MYH16: variants seen among roughly 807,000 people sequenced by gnomAD.
The protein encoded by MYH16 is putative uncharacterized protein MYH16.
chr7:99,246,347 G>A (rs970745958), intron 2 of MYH16, among the ~76,000 whole-genome samples: 1 of 152,102 alleles, frequency 6.6e-6, no homozygotes, highest in Admixed American at 6.6e-5. Flanking sequence ...AATCACCCCA[G>A]AAATTCTCAA....
chr7:99,254,255 A>AG (rs1235480089), intron 8 of MYH16: 3 of 152,200 alleles, frequency 2.0e-5, no homozygotes, highest in African/African-American at 7.2e-5. Context: ...TCTGAAGAAA[A>AG]AAAAAGAAAA....
intron 18 of MYH16, among the ~76,000 whole-genome samples, chr7:99,268,436 C>T (rs1195289561): frequency 6.6e-6 from 1 of 152,210 alleles, no homozygotes; most frequent in Non-Finnish European, 1.5e-5. Context: ...CAGTGGCGGT[C>T]GTGTGGCCGG....
At position 99,276,451 on chromosome 7, in the gene MYH16, A is replaced by T. The variant is rs554065317; in HGVS notation, n.2486-1088A>T. On this transcript the variant is annotated intron_variant and non_coding_transcript_variant, in intron 20 of 41. Transcript: ENST00000439784. ...TAGGTGCTTTAGGAACCCCAAAGGG[A>T]TGGGAGGGAGGTCTTTGAGGGGCTT... Among the ~76,000 whole-genome samples the T allele has an allele frequency of 1.3e-3, 199 of 152,322 alleles. 2 individuals carry two copies. Among genetic ancestry groups the T allele is most frequent in the Middle Eastern group, 0.01 (3 of 294 alleles).
chr7:99,251,622 T>C (rs1390235588), intron 6 of MYH16, among the ~76,000 whole-genome samples: 1 of 152,188 alleles, frequency 6.6e-6, no homozygotes, highest in Non-Finnish European at 1.5e-5. Context: ...TTGGTTTTCT[T>C]TGATGTACCC....
intron 11 of MYH16, among the ~76,000 whole-genome samples, chr7:99,259,718 G>A (rs556997643): frequency 2.1e-5 from 3 of 145,936 alleles, no homozygotes; most frequent in Non-Finnish European, 4.5e-5. Context: ...ATATATATAT[G>A]TGTGTGTGTG....
At chr7:99,242,613 G>A (rs1454782247) in intron 1 of MYH16, among the ~76,000 whole-genome samples, 1 of 152,056 alleles carries the variant, frequency 6.6e-6, no homozygotes. Flanking sequence ...ACTCCAGCCT[G>A]GGCAACAGAG....
At chr7:99,259,230 C>T (rs1221543381) in intron 11 of MYH16, among the ~76,000 whole-genome samples, 1 of 152,166 alleles carries the variant, frequency 6.6e-6, no homozygotes, top group Non-Finnish European at 1.5e-5. Context: ...AAGAGACAAA[C>T]TGCCCTCAGG....
chr7:99,284,687 C>T (rs1212218680), intron 25 of MYH16, among the ~76,000 whole-genome samples, 158 bp from the exon 8 acceptor site: 1 of 152,158 alleles, frequency 6.6e-6, no homozygotes, highest in Non-Finnish European at 1.5e-5. Flanking sequence ...TAGGGTGAGA[C>T]CTTCTGGGCT....
At chr7:99,248,645 C>G (rs939068281) in intron 3 of MYH16, among the ~76,000 whole-genome samples, 12 of 152,174 alleles carry the variant, frequency 7.9e-5, no homozygotes, top group East Asian at 3.9e-4. Flanking sequence ...TCAGCTTCCC[C>G]AAATGCTGGG....
chr7:99,275,929 T>C (rs940605465), intron 20 of MYH16, among the ~76,000 whole-genome samples: 5 of 152,166 alleles, frequency 3.3e-5, no homozygotes, highest in African/African-American at 1.2e-4. Flanking sequence ...GATTTCACCA[T>C]GTTGGCCAGG....
At chr7:99,297,818 TG>T in intron 35 of MYH16, 22 bp downstream of exon 16, 1 of 456,678 alleles carries the variant, frequency 2.2e-6, no homozygotes, top group Non-Finnish European at 4.4e-6. Flanking sequence ...GTCATCACCT[TG>T]GGGACTGTGG....
chr7:99,296,365 T>G (rs1792491967), intron 33 of MYH16, among the ~76,000 whole-genome samples: 2 of 152,044 alleles, frequency 1.3e-5, no homozygotes, highest in African/African-American at 4.8e-5. Flanking sequence ...TGAAATATAT[T>G]AAGGGGAGTT....
rs561315139 is a variant in MYH16 at position 99,289,424 on chromosome 7, A to G, written n.3824+20A>G. ...TCCAAGGTGAGCCCTCTCCGCCCTG[A>G]GCTTGCTAAGGAGCAGTGCATGGAA... is the stretch of plus-strand genomic sequence containing the variant. On this transcript the variant is annotated intron_variant and non_coding_transcript_variant, in intron 30 of 41. Coordinates refer to ENST00000439784, the Ensembl canonical transcript of MYH16. 5.9e-5 allele frequency: 23 copies of G among 392,640 alleles called. No individual in the cohort carries two copies. Among genetic ancestry groups the G allele is most frequent in the African/African-American group, 3.8e-4 (18 of 47,578 alleles). 24.3% of individuals were successfully genotyped at this position (392,640 alleles called of 1,614,324 possible). A position where few individuals can be genotyped will look rare whatever the true frequency, so the allele number is the denominator to read the frequency against.
intron 19 of MYH16, 38 bp from the exon 2 acceptor site, chr7:99,273,304 T>G (rs1021600460): frequency 6.6e-6 from 3 of 456,476 alleles, no homozygotes; most frequent in Non-Finnish European, 1.3e-5. Context: ...TCCTAACACC[T>G]TCATTGTAAC....
At chr7:99,239,666 G>A (rs910252009) in intron 1 of MYH16, among the ~76,000 whole-genome samples, 2 of 152,188 alleles carry the variant, frequency 1.3e-5, no homozygotes, top group Admixed American at 1.3e-4. Flanking sequence ...GTGATGGTTT[G>A]CAAAGACCCC....
intron 28 of MYH16, among the ~76,000 whole-genome samples, chr7:99,287,533 C>CAAAAAAA (rs397889162): frequency 2.1e-5 from 1 of 46,876 alleles, no homozygotes; most frequent in African/African-American, 6.7e-5. Context: ...AACTTCTTCT[C>CAAAAAAA]AAAAAAAAAA....
intron 22 of MYH16, among the ~76,000 whole-genome samples, chr7:99,280,639 A>G (rs111495587): frequency 5.9e-5 from 9 of 152,288 alleles, no homozygotes; most frequent in Admixed American, 2.0e-4. Context: ...GTGGAGCCCA[A>G]GGGTCTGTAT....
At chr7:99,287,708 C>T (rs1462327526) in intron 28 of MYH16, 184 bp from the exon 10 acceptor site, 2 of 352,198 alleles carry the variant, frequency 5.7e-6, no homozygotes, top group East Asian at 1.5e-4. Context: ...ATTTAACACA[C>T]AACACCTCTA....
chr7:99,294,514 A>G (rs1343420130), intron 33 of MYH16, among the ~76,000 whole-genome samples: 3 of 137,814 alleles, frequency 2.2e-5, no homozygotes, highest in African/African-American at 3.1e-5. Flanking sequence ...AAAAAAAAAA[A>G]AAAAAAAAAA....
Sources: gnomAD v4.1 joint callset for allele counts (sites outside exome capture counted in the v4.1 genomes callset) on GRCh38, gnomAD v4.1.1 for gene constraint, MANE v1.5 for transcripts, NCBI Gene and HGNC (gene_info 2026-07-23, HGNC 2026-07-21) for gene names.